GABRB1: variants seen among roughly 807,000 people sequenced by gnomAD.
GABRB1 encodes gamma-aminobutyric acid receptor subunit beta-1.
A neutral mutation model predicts 51.6 loss-of-function variants in GABRB1; 17 were observed. That is an observed-to-expected ratio of 0.33 (90% confidence interval 0.23 to 0.49). GABRB1 has a LOEUF of 0.49. Among genes scored for constraint, GABRB1 ranks in the 20% least tolerant of loss-of-function variants. The pLI, the probability that GABRB1 is intolerant of heterozygous loss-of-function variation, is 0.99. For synonymous variants in GABRB1, 247 were observed against 218.9 expected (o/e 1.13, Z -1.14); for missense variants, 410 against 600.6 (o/e 0.68, Z 3.32).
At chr4:47,187,005 G>A (rs1194210333) in intron 4 of GABRB1, among the ~76,000 whole-genome samples, 1 of 151,866 alleles carries the variant, frequency 6.6e-6, no homozygotes. Context: ...AGGCCAGAGA[G>A]TGGTTAAGTG....
At chr4:47,280,111 A>G (rs1723227228) in intron 4 of GABRB1, among the ~76,000 whole-genome samples, 1 of 151,614 alleles carries the variant, frequency 6.6e-6, no homozygotes, top group East Asian at 1.9e-4. Context: ...TTTGTGGTGT[A>G]TGACCTTCTG....
intron 3 of GABRB1, among the ~76,000 whole-genome samples, chr4:47,115,476 G>C (rs1442908954): frequency 6.6e-6 from 1 of 150,956 alleles, no homozygotes; most frequent in Non-Finnish European, 1.5e-5. Flanking sequence ...AATGTGAATT[G>C]GAACAATTGA....
At chr4:47,052,262 A>G (rs189646897) in intron 3 of GABRB1, among the ~76,000 whole-genome samples, 2 of 152,326 alleles carry the variant, frequency 1.3e-5, no homozygotes, top group African/African-American at 4.8e-5. Context: ...CCATGTCACT[A>G]CTGAAAAGGA....
chr4:47,146,241 A>G (rs1348505285), intron 3 of GABRB1, among the ~76,000 whole-genome samples: 2 of 152,034 alleles, frequency 1.3e-5, no homozygotes, highest in African/African-American at 4.8e-5. Flanking sequence ...AAGACAGGGG[A>G]ACATAAAGTA....
chr4:47,044,993 G>C (rs1190360133), intron 3 of GABRB1, among the ~76,000 whole-genome samples: 1 of 151,962 alleles, frequency 6.6e-6, no homozygotes, highest in African/African-American at 2.4e-5. Context: ...CATATTTTGT[G>C]ATACTCCCTT....
chr4:47,165,633 C>G (rs1718150928), intron 4 of GABRB1, among the ~76,000 whole-genome samples: 1 of 151,984 alleles, frequency 6.6e-6, no homozygotes, highest in African/African-American at 2.4e-5. Context: ...TTATTGACTC[C>G]TCTTTTGCCA....
chr4:47,275,135 G>A (rs1217007522), intron 4 of GABRB1, among the ~76,000 whole-genome samples: 1 of 152,136 alleles, frequency 6.6e-6, no homozygotes, highest in Admixed American at 6.5e-5. Context: ...AGCATGGAAA[G>A]AGGAAAACCA....
At chr4:47,051,277 A>T (rs908375169) in intron 3 of GABRB1, among the ~76,000 whole-genome samples, 1 of 152,182 alleles carries the variant, frequency 6.6e-6, no homozygotes, top group Non-Finnish European at 1.5e-5. Flanking sequence ...ATGCAAAATT[A>T]TGTTTAGAGC....
chr4:47,142,896 T>C (rs1716993084), intron 3 of GABRB1, among the ~76,000 whole-genome samples: 1 of 151,866 alleles, frequency 6.6e-6, no homozygotes, highest in Admixed American at 6.6e-5. Context: ...ACTGTATGTA[T>C]ATTACGAAAC....
chr4:47,211,657 A>C (rs1185185313), intron 4 of GABRB1, among the ~76,000 whole-genome samples: 1 of 152,194 alleles, frequency 6.6e-6, no homozygotes, highest in Non-Finnish European at 1.5e-5. Flanking sequence ...GGCTTAAATA[A>C]CACACATTTC....
chr4:47,215,186 G>T (rs1166378797), intron 4 of GABRB1, among the ~76,000 whole-genome samples: 1 of 151,986 alleles, frequency 6.6e-6, no homozygotes, highest in Non-Finnish European at 1.5e-5. Flanking sequence ...ACAATAATGG[G>T]TGCTATTTAT....
At chr4:47,148,808 A>G (rs1447551954) in intron 3 of GABRB1, among the ~76,000 whole-genome samples, 1 of 151,874 alleles carries the variant, frequency 6.6e-6, no homozygotes, top group Non-Finnish European at 1.5e-5. Context: ...AGGAGAATTC[A>G]TGGATAAAAC....
chr4:47,123,444 TTTATATATTATAATATA>T (rs1469250177), intron 3 of GABRB1, among the ~76,000 whole-genome samples: 2 of 117,950 alleles, frequency 1.7e-5, no homozygotes, highest in East Asian at 2.2e-4. Context: ...AATATATTAT[TTTATATATTATAATATA>T]TTATATATTA....
At chr4:47,001,389 G>T (rs756174768) in intron 1 of GABRB1, among the ~76,000 whole-genome samples, 2 of 152,082 alleles carry the variant, frequency 1.3e-5, no homozygotes, top group African/African-American at 4.8e-5. Context: ...TGATTCTCCC[G>T]CCTTGGCCTC....
intron 5 of GABRB1, among the ~76,000 whole-genome samples, chr4:47,327,357 TAAAAGAAA>T (rs940932415): frequency 2.7e-5 from 4 of 149,226 alleles, no homozygotes; most frequent in African/African-American, 1.0e-4. Context: ...TAGGATCTCT[TAAAAGAAA>T]AAAAGAAAAA....
chr4:47,291,112 G>T (rs531175463), intron 4 of GABRB1, among the ~76,000 whole-genome samples: 2 of 152,242 alleles, frequency 1.3e-5, no homozygotes, highest in South Asian at 4.1e-4. Flanking sequence ...TTCCTGGGAC[G>T]GGCCCAGGGT....
At chr4:47,296,702 A>C (rs1461732412) in intron 4 of GABRB1, among the ~76,000 whole-genome samples, 9 of 152,194 alleles carry the variant, frequency 5.9e-5, no homozygotes, top group Non-Finnish European at 1.2e-4. Flanking sequence ...CAGATCAACG[A>C]GACAGAAAGT....
intron 4 of GABRB1, among the ~76,000 whole-genome samples, chr4:47,204,695 G>A (rs1327695580): frequency 2.0e-5 from 3 of 152,092 alleles, no homozygotes; most frequent in African/African-American, 4.8e-5. Flanking sequence ...CTTACAAAAT[G>A]GGAGTTTGCC....
At chr4:47,238,314 T>C (rs1383287237) in intron 4 of GABRB1, among the ~76,000 whole-genome samples, 1 of 152,106 alleles carries the variant, frequency 6.6e-6, no homozygotes, top group African/African-American at 2.4e-5. Flanking sequence ...TTAATATCCT[T>C]TTTTTAAATT....
Sources: allele counts gnomAD v4.1 joint callset (sites outside exome capture counted in the v4.1 genomes callset), GRCh38; gene constraint gnomAD v4.1.1; transcripts MANE v1.5; gene names NCBI Gene and HGNC (gene_info 2026-07-23, HGNC 2026-07-21).